The following MMP16 variants were observed in gnomAD, a reference collection of about 807,000 sequenced individuals.
MMP16 encodes the protein matrix metallopeptidase 16.
A neutral mutation model predicts 67.8 loss-of-function variants in MMP16; 12 were observed. That is an observed-to-expected ratio of 0.18 (90% CI 0.11 to 0.29). MMP16 has a LOEUF of 0.29. Ranked by LOEUF, MMP16 falls within the 10% of genes least tolerant of loss-of-function variation. The probability of loss-of-function intolerance (pLI) is 1.00; values close to 1 mark genes in which losing one functional copy is unlikely to be tolerated. For synonymous variants in MMP16, 249 were observed against 255.9 expected (o/e 0.97, Z 0.26); for missense variants, 475 against 765.7 (o/e 0.62, Z 4.48).
At chr8:88,243,927 T>C (rs1012068808) in intron 1 of MMP16, among the ~76,000 whole-genome samples, 19 of 152,266 alleles carry the variant, frequency 1.2e-4, no homozygotes, top group African/African-American at 4.6e-4. Flanking sequence ...AAAGTATCAA[T>C]GGAGAGGGAA....
At chr8:88,083,773 C>T (rs1808791095) in intron 6 of MMP16, among the ~76,000 whole-genome samples, 1 of 151,978 alleles carries the variant, frequency 6.6e-6, no homozygotes, top group African/African-American at 2.4e-5. Flanking sequence ...AGAGAAAAAT[C>T]ATTTTGCAAC....
intron 1 of MMP16, among the ~76,000 whole-genome samples, chr8:88,227,329 T>C (rs894826092): frequency 6.6e-6 from 1 of 152,112 alleles, no homozygotes; most frequent in Non-Finnish European, 1.5e-5. Flanking sequence ...GCTCATTACA[T>C]ATTTCACAAA....
intron 6 of MMP16, among the ~76,000 whole-genome samples, chr8:88,076,159 A>G (rs1443060773): frequency 2.0e-5 from 3 of 152,042 alleles, no homozygotes; most frequent in African/African-American, 7.2e-5. Context: ...AGCTTAATTA[A>G]CGACTCTAAG....
At chr8:88,124,410 T>C (rs1807891508) in intron 4 of MMP16, among the ~76,000 whole-genome samples, 2 of 151,922 alleles carry the variant, frequency 1.3e-5, no homozygotes, top group Non-Finnish European at 2.9e-5. Flanking sequence ...TCATTGACAA[T>C]GGAACTTGAC....
chr8:88,187,260 T>A lies in MMP16; in HGVS notation c.282-662A>T, dbSNP rs568813858. 2.0e-5 allele frequency among the ~76,000 whole-genome samples: 3 copies of A among 152,332 alleles called. No individual in the cohort carries two copies. In the South Asian group the frequency reaches 6.2e-4, roughly 32 times the overall value. On this transcript the variant is annotated intron_variant, in intron 2 of 9. Coordinates refer to ENST00000286614, the MANE Select transcript of MMP16 (RefSeq NM_005941.5). The stretch of plus-strand genomic sequence containing the variant: ...GCACTCACAAGACTAAGGTTTGATG[T>A]ACTTAAATTTGAAAAGGAAATGCTG...
rs146265558 is a variant in MMP16 at position 88,215,830 on chromosome 8, G to A, written c.133-18524C>T. On this transcript the variant is annotated intron_variant, in intron 1 of 9. Transcript: ENST00000286614. ...CACTTCAGAGTGTGCAGCCTTTTTC[G>A]TGCTAGGATTCTGACTGACATGTAT... 3.9e-3 allele frequency among the ~76,000 whole-genome samples: 591 copies of A among 152,042 alleles called. 4 individuals are homozygous for A. The highest frequency in any genetic ancestry group is 0.013 in the African/African-American group (554 of 41,496).
At chr8:88,318,920 T>C (rs1041387368) in intron 1 of MMP16, among the ~76,000 whole-genome samples, 6 of 152,292 alleles carry the variant, frequency 3.9e-5, no homozygotes, top group African/African-American at 1.4e-4. Flanking sequence ...TGTAGGTGTT[T>C]CTATGCTCCC....
chr8:88,200,076 T>C (rs1177629836), intron 1 of MMP16, among the ~76,000 whole-genome samples: 2 of 151,998 alleles, frequency 1.3e-5, no homozygotes, highest in Non-Finnish European at 2.9e-5. Context: ...CCAACTACCC[T>C]GAGTTCTTAA....
rs574349887 is a variant in MMP16 at position 88,246,515 on chromosome 8, G to A, written c.133-49209C>T. Among the ~76,000 whole-genome samples, 13 of 152,138 alleles carry A rather than the reference G, an allele frequency of 8.5e-5. No individual in the cohort carries two copies. In the South Asian group the frequency reaches 2.7e-3, roughly 32 times the overall value. On this transcript the variant is annotated intron_variant, in intron 1 of 9. Coordinates refer to ENST00000286614, the MANE Select transcript of MMP16 (RefSeq NM_005941.5). ...TTGAAAAGATGTTATCAGTTTAGTG[G>A]GATATCATCTGTGCATAAAGACATA... is the stretch of plus-strand genomic sequence containing the variant.
At chr8:88,232,850 G>T (rs1809883042) in intron 1 of MMP16, among the ~76,000 whole-genome samples, 1 of 152,136 alleles carries the variant, frequency 6.6e-6, no homozygotes, top group Non-Finnish European at 1.5e-5. Flanking sequence ...TCAATAAGAA[G>T]AGAGGCAAAT....
intron 7 of MMP16, among the ~76,000 whole-genome samples, chr8:88,067,040 A>G (rs924036000): frequency 2.0e-5 from 3 of 152,110 alleles, no homozygotes; most frequent in African/African-American, 7.2e-5. Context: ...TAGCATCTAA[A>G]ATTAAATTGA....
chr8:88,292,221 G>A (rs1351048445), intron 1 of MMP16, among the ~76,000 whole-genome samples: 2 of 152,122 alleles, frequency 1.3e-5, no homozygotes, highest in Non-Finnish European at 2.9e-5. Context: ...TAGCAAAATC[G>A]TTCAAACCTC....
intron 1 of MMP16, among the ~76,000 whole-genome samples, chr8:88,246,295 A>T (rs1810111726): frequency 6.6e-6 from 1 of 152,176 alleles, no homozygotes; most frequent in South Asian, 2.1e-4. Flanking sequence ...ACTGTTCATT[A>T]TATATAGAAA....
intron 4 of MMP16, among the ~76,000 whole-genome samples, chr8:88,143,026 C>T (rs558789067): frequency 1.7e-4 from 26 of 152,112 alleles, no homozygotes; most frequent in Admixed American, 1.4e-3. Context: ...CTGCCTAGAT[C>T]GGTATTTTTG....
At chr8:88,146,550 C>G (rs928698267) in intron 4 of MMP16, among the ~76,000 whole-genome samples, 1 of 151,712 alleles carries the variant, frequency 6.6e-6, no homozygotes, top group Non-Finnish European at 1.5e-5. Flanking sequence ...TGCAATTTGC[C>G]CTATTCACTC....
intron 4 of MMP16, among the ~76,000 whole-genome samples, chr8:88,128,422 C>A: frequency 6.6e-6 from 1 of 151,828 alleles, no homozygotes; most frequent in East Asian, 1.9e-4. Context: ...ATTTTCCCTA[C>A]AGCTTGACTA....
intron 7 of MMP16, among the ~76,000 whole-genome samples, chr8:88,070,184 T>G (rs888195054): frequency 6.6e-6 from 1 of 152,152 alleles, no homozygotes; most frequent in Admixed American, 6.6e-5. Context: ...TTTTGGGGTA[T>G]GCAAGATACT....
intron 4 of MMP16, among the ~76,000 whole-genome samples, chr8:88,147,334 T>C (rs1808310387): frequency 6.6e-6 from 1 of 152,088 alleles, no homozygotes; most frequent in Non-Finnish European, 1.5e-5. Flanking sequence ...ATATTTTAAT[T>C]CTCATGTTTT....
At chr8:88,207,712 A>G (rs1240851187) in intron 1 of MMP16, among the ~76,000 whole-genome samples, 1 of 151,994 alleles carries the variant, frequency 6.6e-6, no homozygotes, top group Non-Finnish European at 1.5e-5. Flanking sequence ...AAAAAAAGAA[A>G]GAAAGAAAGA....
Sources: allele counts gnomAD v4.1 joint callset (sites outside exome capture counted in the v4.1 genomes callset), GRCh38; gene constraint gnomAD v4.1.1; transcripts MANE v1.5; gene names NCBI Gene and HGNC (gene_info 2026-07-23, HGNC 2026-07-21).